Variants in NIBAN1 observed in about 807,000 individuals in gnomAD.
NIBAN1 encodes protein Niban 1.
Under a neutral mutation model 75.1 loss-of-function variants are expected in NIBAN1, and 81 were observed. The observed-to-expected ratio is 1.08, with a 90% confidence interval of 0.90 to 1.30. NIBAN1 has a LOEUF of 1.30. NIBAN1 is among the 50% of genes most tolerant of loss of function. The pLI is 0.00. For missense variants in NIBAN1, 1,133 were observed against 1,128.1 expected, an observed-to-expected ratio of 1.00 and a Z score of -0.06; for synonymous variants, 436 against 424.8, an observed-to-expected ratio of 1.03 and a Z score of -0.32.
At chr1:184,957,367 C>A (rs912435135) in intron 1 of NIBAN1, among the ~76,000 whole-genome samples, 1 of 152,214 alleles carries the variant, frequency 6.6e-6, no homozygotes, top group Non-Finnish European at 1.5e-5. Flanking sequence ...GAATACCTCA[C>A]AGGCAGTAAT....
intron 5 of NIBAN1, among the ~76,000 whole-genome samples, chr1:184,833,334 T>C (rs1391511794): frequency 6.6e-6 from 1 of 150,826 alleles, no homozygotes; most frequent in Non-Finnish European, 1.5e-5. Flanking sequence ...ATTCAAGGCT[T>C]AGCCTCTACA....
intron 1 of NIBAN1, among the ~76,000 whole-genome samples, chr1:184,956,061 C>T (rs1658484074): frequency 6.6e-6 from 1 of 150,546 alleles, no homozygotes; most frequent in African/African-American, 2.4e-5. Flanking sequence ...CAAATTCTCA[C>T]TCTTGCCTAG....
intron 10 of NIBAN1, among the ~76,000 whole-genome samples, chr1:184,806,762 CTTTTTTTT>C (rs397863517): frequency 1.5e-5 from 2 of 131,222 alleles, no homozygotes; most frequent in Admixed American, 7.8e-5. Flanking sequence ...CAATATATAC[CTTTTTTTT>C]TTTTTTTTTT....
intron 1 of NIBAN1, among the ~76,000 whole-genome samples, chr1:184,911,557 G>A (rs189071525): frequency 6.6e-6 from 1 of 152,274 alleles, no homozygotes; most frequent in Admixed American, 6.5e-5. Context: ...TGCAGTCTTT[G>A]CTGGCTAATA....
intron 1 of NIBAN1, among the ~76,000 whole-genome samples, chr1:184,930,177 C>A (rs1284615320): frequency 1.3e-5 from 2 of 152,182 alleles, no homozygotes; most frequent in African/African-American, 4.8e-5. Context: ...CAACTTCCTA[C>A]TCAGTGTTTA....
At chr1:184,842,894 T>A (rs1049671497) in intron 5 of NIBAN1, among the ~76,000 whole-genome samples, 1 of 145,532 alleles carries the variant, frequency 6.9e-6, no homozygotes. Flanking sequence ...GATTTACACA[T>A]CACGTTTGAG....
chr1:184,876,814 T>C (rs1171366793), intron 5 of NIBAN1, among the ~76,000 whole-genome samples: 1 of 152,180 alleles, frequency 6.6e-6, no homozygotes, highest in African/African-American at 2.4e-5. Context: ...TGCCAAATAT[T>C]AAAACATGCA....
intron 13 of NIBAN1, among the ~76,000 whole-genome samples, chr1:184,797,671 A>C (rs1453191802): frequency 6.6e-6 from 1 of 152,014 alleles, no homozygotes; most frequent in African/African-American, 2.4e-5. Context: ...GGTGGGGGGC[A>C]GGGGCAGTTA....
In NIBAN1 at chr1:184,854,238, G is replaced by A. The variant is rs527563589; in HGVS notation, c.602-22276C>T. ...GATGCTTGTGGTTTAAGAGTATGTT[G>A]TTTATTTGAGTTGGGGCAGAGGAGG... On this transcript the variant is annotated intron_variant, in intron 5 of 13. Coordinates refer to ENST00000367511, the MANE Select transcript of NIBAN1 (RefSeq NM_052966.4). Among the ~76,000 whole-genome samples, 16 of 152,248 alleles carry A rather than the reference G, an allele frequency of 1.1e-4. No individual in the cohort carries two copies. In the East Asian group the frequency reaches 1.9e-3, roughly 18 times the overall value.
At chr1:184,864,483 A>G (rs1571529038) in intron 5 of NIBAN1, among the ~76,000 whole-genome samples, 1 of 152,294 alleles carries the variant, frequency 6.6e-6, no homozygotes, top group Middle Eastern at 3.4e-3. Context: ...GGAAGCTGTT[A>G]TCTTCCCTGA....
intron 1 of NIBAN1, among the ~76,000 whole-genome samples, chr1:184,965,825 G>T (rs1037378517): frequency 6.6e-6 from 1 of 152,122 alleles, no homozygotes; most frequent in African/African-American, 2.4e-5. Context: ...TTAAAAAAAA[G>T]GATTGATTCT....
intron 5 of NIBAN1, among the ~76,000 whole-genome samples, chr1:184,869,660 G>A (rs1431954263): frequency 6.6e-6 from 1 of 151,820 alleles, no homozygotes; most frequent in Non-Finnish European, 1.5e-5. Context: ...TCCTGCCTCA[G>A]CCTCCTGAGT....
At chr1:184,865,121 G>A (rs1352581015) in intron 5 of NIBAN1, among the ~76,000 whole-genome samples, 1 of 152,114 alleles carries the variant, frequency 6.6e-6, no homozygotes, top group Non-Finnish European at 1.5e-5. Flanking sequence ...AGATGCTGGT[G>A]AGGTGCAGAG....
intron 9 of NIBAN1, among the ~76,000 whole-genome samples, chr1:184,811,504 T>TTTTTTTTG (rs1426248047): frequency 1.6e-5 from 2 of 126,810 alleles, no homozygotes; most frequent in African/African-American, 6.5e-5. Context: ...TTTCTTCCTT[T>TTTTTTTTG]TTTTTTTTGT....
intron 5 of NIBAN1, among the ~76,000 whole-genome samples, chr1:184,838,100 A>G (rs1655186554): frequency 6.6e-6 from 1 of 152,118 alleles, no homozygotes; most frequent in Non-Finnish European, 1.5e-5. Context: ...ACCACGTCAC[A>G]CTGTTGACTC....
At chr1:184,843,934 T>C (rs1207468357) in intron 5 of NIBAN1, among the ~76,000 whole-genome samples, 8 of 152,224 alleles carry the variant, frequency 5.3e-5, no homozygotes, top group African/African-American at 9.6e-5. Context: ...TGCCTCTCAG[T>C]GACGTTGTGG....
At chr1:184,828,319 T>C (rs1358686557) in intron 6 of NIBAN1, among the ~76,000 whole-genome samples, 1 of 152,178 alleles carries the variant, frequency 6.6e-6, no homozygotes, top group Non-Finnish European at 1.5e-5. Flanking sequence ...GAAGTCTGAA[T>C]GCAGGCCCCT....
intron 9 of NIBAN1, among the ~76,000 whole-genome samples, chr1:184,815,080 C>T (rs1188444170): frequency 9.9e-5 from 15 of 152,116 alleles, no homozygotes; most frequent in African/African-American, 3.1e-4. Flanking sequence ...AAAATTAAAG[C>T]GTCAGGTACA....
chr1:184,901,421 G>C (rs564751645), intron 1 of NIBAN1, among the ~76,000 whole-genome samples: 2 of 152,202 alleles, frequency 1.3e-5, no homozygotes, highest in African/African-American at 4.8e-5. Flanking sequence ...TCATCTAATT[G>C]GTTATTATGC....
Sources: allele counts gnomAD v4.1 joint callset (sites outside exome capture counted in the v4.1 genomes callset), GRCh38; gene constraint gnomAD v4.1.1; transcripts MANE v1.5; gene names NCBI Gene and HGNC (gene_info 2026-07-23, HGNC 2026-07-21).